The following PDE1C variants were observed in gnomAD, a reference collection of about 807,000 sequenced individuals.
PDE1C encodes dual specificity calcium/calmodulin-dependent 3',5'-cyclic nucleotide phosphodiesterase 1C.
A neutral mutation model predicts 93.1 loss-of-function variants in PDE1C; 62 were observed. That is an observed-to-expected ratio of 0.67 (90% CI 0.54 to 0.82). The LOEUF (loss-of-function observed/expected upper bound fraction) is 0.82, where lower values mean the gene tolerates loss of function less well. PDE1C is among the 40% of genes least tolerant of loss of function. PDE1C has a pLI of 0.00. For missense variants in PDE1C, 742 were observed against 884.6 expected (o/e 0.84, Z 2.04); for synonymous variants, 325 against 310.1 (o/e 1.05, Z -0.50).
At chr7:32,058,266 A>G (rs1487148690) in intron 1 of PDE1C, among the ~76,000 whole-genome samples, 1 of 152,228 alleles carries the variant, frequency 6.6e-6, no homozygotes, top group Non-Finnish European at 1.5e-5. Flanking sequence ...CACCGCCGAC[A>G]CACAGACCGC....
At chr7:31,853,688 G>GT (rs1304611054) in intron 7 of PDE1C, among the ~76,000 whole-genome samples, 4 of 151,648 alleles carry the variant, frequency 2.6e-5, no homozygotes, top group South Asian at 2.1e-4. Flanking sequence ...AAAAAGCAGG[G>GT]TTTTTTTGTT....
intron 2 of PDE1C, among the ~76,000 whole-genome samples, chr7:31,903,551 G>T (rs764355507): frequency 1.2e-4 from 18 of 152,030 alleles, no homozygotes; most frequent in Non-Finnish European, 2.7e-4. Flanking sequence ...CAGATTCTTA[G>T]ATCAATTCCT....
At chr7:31,958,795 A>C (rs1808500750) in intron 2 of PDE1C, among the ~76,000 whole-genome samples, 1 of 152,188 alleles carries the variant, frequency 6.6e-6, no homozygotes. Flanking sequence ...TTGGTTAATC[A>C]GCAAAGAAAT....
At chr7:32,261,462 C>T (rs1383237260) in intron 1 of PDE1C, among the ~76,000 whole-genome samples, 2 of 152,214 alleles carry the variant, frequency 1.3e-5, no homozygotes, top group Admixed American at 1.3e-4. Context: ...CTCAGGGAGA[C>T]TGACTTGAGT....
chr7:32,320,018 G>T (rs892255489), intron 1 of PDE1C, among the ~76,000 whole-genome samples: 1 of 152,114 alleles, frequency 6.6e-6, no homozygotes, highest in Admixed American at 6.5e-5. Flanking sequence ...CCCTGCCTAC[G>T]ACACAGCCAA....
chr7:31,916,572 A>G (rs113714912), intron 2 of PDE1C, among the ~76,000 whole-genome samples: 6 of 152,288 alleles, frequency 3.9e-5, no homozygotes, highest in African/African-American at 1.2e-4. Flanking sequence ...TACGTCATGC[A>G]AATTTACTTA....
At chr7:31,654,409 A>G in the PDE1C span, among the ~76,000 whole-genome samples, 3 of 152,336 alleles carry the variant, frequency 2.0e-5, no homozygotes, top group East Asian at 5.8e-4. Flanking sequence ...AAGTCTTTGC[A>G]TCTGAATCCT....
the PDE1C span, among the ~76,000 whole-genome samples, chr7:31,741,481 A>T: frequency 6.6e-6 from 1 of 152,162 alleles, no homozygotes; most frequent in African/African-American, 2.4e-5. Flanking sequence ...TAATCTCTCA[A>T]ATTGTTACAT....
At chr7:32,372,494 A>C (rs1179209276) in intron 1 of PDE1C, among the ~76,000 whole-genome samples, 1 of 152,232 alleles carries the variant, frequency 6.6e-6, no homozygotes, top group Admixed American at 6.5e-5. Flanking sequence ...AACTCAAAAC[A>C]GATCATAGAC....
intron 2 of PDE1C, among the ~76,000 whole-genome samples, chr7:31,927,684 C>T (rs1206003218): frequency 6.6e-6 from 1 of 152,184 alleles, no homozygotes; most frequent in Admixed American, 6.5e-5. Flanking sequence ...CAGCAAACTC[C>T]AGCAGACCTG....
chr7:31,689,411 C>T, the PDE1C span, among the ~76,000 whole-genome samples: 1 of 152,100 alleles, frequency 6.6e-6, no homozygotes, highest in East Asian at 1.9e-4. Context: ...TTAGAAAGTT[C>T]CCAAGTTACA....
the PDE1C span, among the ~76,000 whole-genome samples, chr7:31,664,583 A>G: frequency 6.6e-6 from 1 of 152,232 alleles, no homozygotes; most frequent in South Asian, 2.1e-4. Flanking sequence ...GATGACGACA[A>G]TTAAGATGCA....
chr7:31,714,089 C>A, the PDE1C span, among the ~76,000 whole-genome samples: 1 of 152,304 alleles, frequency 6.6e-6, no homozygotes, highest in Non-Finnish European at 1.5e-5. Context: ...TGTCAGGCTG[C>A]AAATTTTCCA....
chr7:31,817,908 A>G (rs1788466399), intron 14 of PDE1C, among the ~76,000 whole-genome samples: 2 of 152,212 alleles, frequency 1.3e-5, no homozygotes, highest in East Asian at 3.9e-4. Flanking sequence ...ACTTCTCCTG[A>G]CTTTATATTT....
chr7:32,399,547 T>C (rs1250658991), intron 1 of PDE1C, among the ~76,000 whole-genome samples: 1 of 151,490 alleles, frequency 6.6e-6, no homozygotes, highest in East Asian at 1.9e-4. Flanking sequence ...CACAGTCTTA[T>C]TGGTTCAGGG....
intron 2 of PDE1C, among the ~76,000 whole-genome samples, chr7:31,994,685 CTG>C (rs894951797): frequency 6.6e-6 from 1 of 152,126 alleles, no homozygotes; most frequent in Admixed American, 6.6e-5. Context: ...GGCCCAAAAA[CTG>C]TGAATCAGGA....
intron 1 of PDE1C, among the ~76,000 whole-genome samples, chr7:32,394,801 G>A (rs949654769): frequency 3.9e-5 from 6 of 152,116 alleles, no homozygotes; most frequent in Non-Finnish European, 8.8e-5. Flanking sequence ...GTGACAGAGC[G>A]AGACCCTGTC....
At chr7:31,638,871 G>A in the PDE1C span, among the ~76,000 whole-genome samples, 1 of 152,116 alleles carries the variant, frequency 6.6e-6, no homozygotes, top group Admixed American at 6.5e-5. Flanking sequence ...CCACCTCCCA[G>A]GTTCGAGCAA....
intron 17 of PDE1C, among the ~76,000 whole-genome samples, chr7:31,757,146 G>A (rs113840865): frequency 1.5e-4 from 23 of 152,288 alleles, no homozygotes; most frequent in African/African-American, 5.3e-4. Flanking sequence ...TGATACAGAT[G>A]ACTACTAACA....
Sources: gnomAD v4.1 joint callset for allele counts (sites outside exome capture counted in the v4.1 genomes callset) on GRCh38, gnomAD v4.1.1 for gene constraint, MANE v1.5 for transcripts, NCBI Gene and HGNC (gene_info 2026-07-23, HGNC 2026-07-21) for gene names.